Variants in FAM98C observed in about 807,000 individuals in gnomAD.
FAM98C encodes the protein protein FAM98C.
A neutral mutation model predicts 41.1 loss-of-function variants in FAM98C; 38 were observed. The observed-to-expected ratio is 0.92, with a 90% confidence interval of 0.71 to 1.21. The LOEUF (loss-of-function observed/expected upper bound fraction) is 1.21. Ranked by LOEUF, FAM98C falls within the 50% of genes most tolerant of loss-of-function variation. The pLI is 0.00. For synonymous variants in FAM98C, 195 were observed against 216.7 expected, an observed-to-expected ratio of 0.90 and a Z score of 0.88; for missense variants, 493 against 484.7, an observed-to-expected ratio of 1.02 and a Z score of -0.16.
chr19:38,403,495 G>A lies in FAM98C; in HGVS notation c.214+9G>A. 1 of 1,408,042 alleles carries A rather than the reference G, an allele frequency of 7.1e-7. No individual in the cohort carries two copies. Among genetic ancestry groups the A allele is most frequent in the South Asian group, 1.5e-5 (1 of 65,734 alleles). The allele number at this position is 1,408,042 out of a possible 1,614,324, so 87.2% of individuals were successfully genotyped here. ...GCTGAGCGCCGGCGACGGTAAACAC[G>A]GAGCGGGAGGGTGGCAGGGGGGCCG... is the stretch of plus-strand genomic sequence containing the variant. On this transcript the variant is annotated intron_variant, in intron 2 of 7. Coordinates refer to ENST00000252530, the MANE Select transcript of FAM98C (RefSeq NM_174905.4).
Position 38,408,775 on chromosome 19 carries a change from C to G in FAM98C, c.943C>G (p.Arg315Gly), listed in dbSNP as rs551110568. 1.1e-5 allele frequency: 17 copies of G among 1,613,514 alleles called. No homozygotes were observed. The highest frequency in any genetic ancestry group is 1.4e-5 in the Non-Finnish European group (17 of 1,179,852). ...GGTGCTTATGGGCAACGTTCCAGACCGGGGGGGCCGCCCAAATGAGCTGGA... is the reference window on the plus strand; with the variant it reads ...GGTGCTTATGGGCAACGTTCCAGACGGGGGGGGCCGCCCAAATGAGCTGGA... ...NKVLMGNVPD[R>G]GGRPNELEPP... Residue 315 changes from arginine (R) to glycine (G), a missense_variant, in exon 8 of 8, where the codon CGG (arginine) becomes GGG (glycine). By Grantham distance (125) the Arg-to-Gly change is moderately radical (BLOSUM62 -2). Coordinates refer to ENST00000252530, the MANE Select transcript of FAM98C (RefSeq NM_174905.4).
In FAM98C at chr19:38,405,042, C is replaced by G; in HGVS notation, c.484C>G (p.Gln162Glu). 6.2e-7 allele frequency: 1 copy of G among 1,614,138 alleles called. No individual in the cohort carries two copies. The highest frequency in any genetic ancestry group is 8.5e-7 in the Non-Finnish European group (1 of 1,180,020). ...GMVQELDLTL[Q>E]ALGLPRPAPG... ...GGTCCAAGAACTGGACCTTACCCTCCAAGCCCTGGGGCTGCCCAGACCTGC... is the reference window on the plus strand; with the variant it reads ...GGTCCAAGAACTGGACCTTACCCTCGAAGCCCTGGGGCTGCCCAGACCTGC... The change falls in exon 4 of 8, where the codon CAA becomes GAA. Residue 162 changes from glutamine to glutamate, a missense_variant. Transcript: ENST00000252530.
Position 38,406,963 on chromosome 19 carries a change from C to A in FAM98C, c.804C>A (p.Thr268=), listed in dbSNP as rs1971048160. 1 of 1,614,020 alleles carries A rather than the reference C, an allele frequency of 6.2e-7. No individual in the cohort carries two copies. Among genetic ancestry groups the A allele is most frequent in the African/African-American group, 1.3e-5 (1 of 74,926 alleles). ...AVLIPIREVL[T]PESDISIAHV... is the part of the protein sequence containing the mutation. Reference sequence around the variant, plus strand: ...TGATCCCAATTCGAGAGGTTCTGACCCCAGAATCGGACATCTCCATTGCAC... The same window carrying A: ...TGATCCCAATTCGAGAGGTTCTGACACCAGAATCGGACATCTCCATTGCAC... The change falls in exon 7 of 8, where the codon ACC becomes ACA. Residue 268 remains threonine (T), a synonymous_variant. Transcript: ENST00000252530.
chr19:38,407,205 A>G (rs1971053170), intron 7 of FAM98C, 128 bp downstream of exon 7: 2 of 1,102,988 alleles, frequency 1.8e-6, no homozygotes, highest in African/African-American at 3.1e-5. Flanking sequence ...AGCTAGAAGG[A>G]CCTCGCTCAC....
Position 38,405,617 on chromosome 19 carries a change from C to T in FAM98C, c.732C>T (p.His244=), listed in dbSNP as rs1222813337. The T allele has an allele frequency of 1.9e-6, 3 of 1,614,078 alleles. No individual in the cohort carries two copies. Among genetic ancestry groups the T allele is most frequent in the Admixed American group, 1.7e-5 (1 of 60,006 alleles). ...KRLDLTTSAF[H]WSDRAEAQGE... ...TTGACCTCACTACATCTGCTTTCCA[C>T]TGGAGTGACCGGGCAGAGGTGTGGT... is the stretch of plus-strand genomic sequence containing the variant. The change falls in exon 6 of 8, where the codon CAC becomes CAT. Residue 244 remains histidine, a synonymous_variant. Transcript: ENST00000252530.
At chr19:38,404,681 C>T (rs1406367863) in intron 3 of FAM98C, 3 of 488,768 alleles carry the variant, frequency 6.1e-6, no homozygotes, top group African/African-American at 5.9e-5. Flanking sequence ...CAAGCACTCA[C>T]CACTATGTCC....
At position 38,408,860 on chromosome 19, in the gene FAM98C, G is replaced by A. The variant is rs764264994; in HGVS notation, c.1028G>A (p.Arg343His). The A allele has an allele frequency of 2.0e-5, 31 of 1,578,780 alleles. No individual in the cohort carries two copies. Among genetic ancestry groups the A allele is most frequent in the African/African-American group, 7.1e-5 (5 of 70,516 alleles). ...REDGGPQCWG[R>H]KKKKKK ...GATGGAGGCCCCCAGTGTTGGGGTC[G>A]CAAGAAGAAGAAGAAGAAGTAAAGG... Residue 343 changes from arginine to histidine, a missense_variant, in exon 8 of 8, where the codon CGC becomes CAC. Arg to His is a conservative substitution (Grantham distance 29). Coordinates refer to ENST00000252530, the MANE Select transcript of FAM98C (RefSeq NM_174905.4).
chr19:38,408,728 A>G, intron 7 of FAM98C, 23 bp from the exon 8 acceptor site: 1 of 1,613,872 alleles, frequency 6.2e-7, no homozygotes, highest in Non-Finnish European at 8.5e-7. Context: ...TTTCTCTGCA[A>G]CTCAAATCTC....
Position 38,407,039 on chromosome 19 carries a change from G to A in FAM98C, c.880G>A (p.Val294Met), listed in dbSNP as rs371060977. 5 of 1,613,964 alleles carry A rather than the reference G, an allele frequency of 3.1e-6. No homozygotes were observed. Among genetic ancestry groups the A allele is most frequent in the African/African-American group, 2.7e-5 (2 of 74,932 alleles). ...GTCTTGTCTCGTCCCAGCCACCAGC[G>A]TGGCTGTCCGCAGAGGGACCTGCTG... ...DLSCLVPATS[V>M]AVRRGTCCAI... The change falls in exon 7 of 8, where the codon GTG (valine) becomes ATG (methionine). Residue 294 changes from valine to methionine, a missense_variant. Coordinates refer to ENST00000252530, the MANE Select transcript of FAM98C (RefSeq NM_174905.4).
chr19:38,404,039 TACAGGCGCGCG>T lies in FAM98C; in HGVS notation c.349+349_349+359del, dbSNP rs1437725219. 5.9e-5 allele frequency among the ~76,000 whole-genome samples: 9 copies of T among 152,134 alleles called. No individual in the cohort carries two copies. In the East Asian group the frequency reaches 1.7e-3, roughly 29 times the overall value. On this transcript the variant is annotated intron_variant, in intron 3 of 7. Transcript: ENST00000252530. ...CCTCAGCCTCCCGAGTAGCTGGGAT[TACAGGCGCGCG>T]ACACCACACTCGGCTATTTTTAGTA...
chr19:38,406,778 G>A, intron 6 of FAM98C, 132 bp from the exon 7 acceptor site: 2 of 984,592 alleles, frequency 2.0e-6, no homozygotes, highest in Non-Finnish European at 3.0e-6. Flanking sequence ...GCGAGACCCT[G>A]TCTCAAAAAA....
intron 6 of FAM98C, 121 bp downstream of exon 6, chr19:38,405,756 T>G (rs1271369737): frequency 1.1e-6 from 1 of 924,946 alleles, no homozygotes; most frequent in African/African-American, 1.7e-5. Context: ...CCATGGACAT[T>G]TTATAATTTT....
In FAM98C at chr19:38,403,691, C is replaced by T; in HGVS notation, c.346C>T (p.Leu116=). ...LREPGAGLRL[L]RFLCSELQAT... ...GGAACCCGGTGCCGGACTGCGCCTG[C>T]TGCGTGAGTCCCGGGATGCAGAAGT... Residue 116 remains leucine, a synonymous_variant, in exon 3 of 8, where the codon CTG becomes TTG. Transcript: ENST00000252530. 7.1e-7 allele frequency: 1 copy of T among 1,409,382 alleles called. No individual in the cohort carries two copies. Among genetic ancestry groups the T allele is most frequent in the African/African-American group, 1.5e-5 (1 of 66,630 alleles). The allele number at this position is 1,409,382 out of a possible 1,614,324, so 87.3% of individuals were successfully genotyped here.
At position 38,403,189 on chromosome 19, in the gene FAM98C, C is replaced by T. The variant is rs779559971; in HGVS notation, c.36C>T (p.Ala12=). Reference sequence around the variant, plus strand: ...TGAAGGCGGAAGCGTGGGAGGGGGCCGCGGTGGCCCAGGACCTGCTGGCTC... The same window carrying T: ...TGAAGGCGGAAGCGTGGGAGGGGGCTGCGGTGGCCCAGGACCTGCTGGCTC... ...EAVKAEAWEG[A]AVAQDLLALG... Residue 12 remains alanine, a synonymous_variant, in exon 1 of 8, where the codon GCC becomes GCT. Transcript: ENST00000252530. 2 of 1,539,614 alleles carry T rather than the reference C, an allele frequency of 1.3e-6. No individual in the cohort carries two copies. The highest frequency in any genetic ancestry group is 1.2e-5 in the South Asian group (1 of 82,308).
rs762980062 is a variant in FAM98C at position 38,403,166 on chromosome 19, A to G, written c.13A>G (p.Lys5Glu). Residue 5 changes from lysine to glutamate, a missense_variant, in exon 1 of 8, where the codon AAG (lysine) becomes GAG (glutamate). Coordinates refer to ENST00000252530, the MANE Select transcript of FAM98C (RefSeq NM_174905.4). MEAV[K>E]AEAWEGAAVA... ...AGACCACACTTTCATGGAGGCGGTG[A>G]AGGCGGAAGCGTGGGAGGGGGCCGC... 1 of 1,530,180 alleles carries G rather than the reference A, an allele frequency of 6.5e-7. No homozygotes were observed. The highest frequency in any genetic ancestry group is 1.2e-5 in the South Asian group (1 of 80,590). The allele number at this position is 1,530,180 out of a possible 1,614,324, so 94.8% of individuals were successfully genotyped here. A position where few individuals can be genotyped will look rare whatever the true frequency, so the allele number is the denominator to read the frequency against.
chr19:38,403,766 T>C lies in FAM98C; in HGVS notation c.349+72T>C, dbSNP rs1034786483. The C allele has an allele frequency of 1.6e-5, 21 of 1,345,406 alleles. No individual in the cohort carries two copies. In the East Asian group the frequency reaches 6.5e-4, roughly 42 times the overall value. The allele number at this position is 1,345,406 out of a possible 1,614,324, so 83.3% of individuals were successfully genotyped here. On this transcript the variant is annotated intron_variant, in intron 3 of 7. Transcript: ENST00000252530. The stretch of plus-strand genomic sequence containing the variant: ...GCGGGCTCTGACTTTTTAGGGGAAA[T>C]CGAGGTTCCCAAGGGGTGTGGTCAG...
intron 7 of FAM98C, chr19:38,407,285 C>G (rs983342328): frequency 1.9e-5 from 11 of 576,864 alleles, no homozygotes; most frequent in Admixed American, 1.8e-4. Context: ...AAAACAAAGT[C>G]TAGCTATTTA....
At chr19:38,403,519 C>T in intron 2 of FAM98C, 33 bp downstream of exon 2, 1 of 1,424,218 alleles carries the variant, frequency 7.0e-7, no homozygotes, top group Non-Finnish European at 9.1e-7. Context: ...GCAGGGGGGC[C>T]GCCACGGGGC....
At chr19:38,404,048 G>A (rs1248815421) in intron 3 of FAM98C, among the ~76,000 whole-genome samples, 4 of 151,132 alleles carry the variant, frequency 2.6e-5, no homozygotes, top group East Asian at 2.0e-4. Flanking sequence ...TTACAGGCGC[G>A]CGACACCACA....
Sources: gnomAD v4.1 joint callset for allele counts (sites outside exome capture counted in the v4.1 genomes callset) on GRCh38, gnomAD v4.1.1 for gene constraint, MANE v1.5 for transcripts, NCBI Gene and HGNC (gene_info 2026-07-23, HGNC 2026-07-21) for gene names.